Variants in CHN1 observed in about 807,000 individuals in gnomAD.
The protein encoded by CHN1 is N-chimaerin.
CHN1 carries 37 observed loss-of-function variants against 59.5 expected under a neutral mutation model. The observed-to-expected ratio is 0.62, with a 90% CI of 0.48 to 0.82. The LOEUF is 0.82. Among genes scored for constraint, CHN1 ranks in the 40% least tolerant of loss-of-function variants. CHN1 has a pLI of 0.00. For synonymous variants in CHN1, 206 were observed against 200.4 expected, an observed-to-expected ratio of 1.03 and a Z score of -0.24; for missense variants, 469 against 571.0, an observed-to-expected ratio of 0.82 and a Z score of 1.82.
At chr2:174,895,680 C>G (rs376844693) in intron 5 of CHN1, among the ~76,000 whole-genome samples, 64 of 152,238 alleles carry the variant, frequency 4.2e-4, no homozygotes, top group African/African-American at 1.5e-3. Context: ...TGCAAGACAA[C>G]AGAAGTAATT....
At position 174,879,183 on chromosome 2, in the gene CHN1, A is replaced by G. The variant is rs368765318; in HGVS notation, c.261-1055T>C. Among the ~76,000 whole-genome samples, 40 of 152,376 alleles carry G rather than the reference A, an allele frequency of 2.6e-4. No individual in the cohort carries two copies. The East Asian group carries it at 4.6e-3, about 18-fold the overall frequency. The stretch of plus-strand genomic sequence containing the variant: ...ATACTAAAATAAACGCTGTTTAAGT[A>G]AAGCGTTAAATGGGACTATAAACTT... On this transcript the variant is annotated intron_variant, in intron 5 of 12. Transcript: ENST00000409900.
intron 6 of CHN1, among the ~76,000 whole-genome samples, chr2:174,848,472 C>T (rs1686616582): frequency 6.6e-6 from 1 of 152,182 alleles, no homozygotes; most frequent in African/African-American, 2.4e-5. Flanking sequence ...GTCCTATCAT[C>T]TGTTTCTCAT....
rs1455583764 is a variant in CHN1, at chr2:174,963,173, G to A, written c.20-10971C>T. On this transcript the variant is annotated intron_variant, in intron 1 of 12. Transcript: ENST00000409900. ...TTCTATGGGTGAGGGTGTCAGTTAC[G>A]AGGCGGGTCCAGATATAGTTTGTGC... Among the ~76,000 whole-genome samples, 5 of 152,092 alleles carry A rather than the reference G, an allele frequency of 3.3e-5. No individual in the cohort carries two copies. The East Asian group carries it at 9.6e-4, about 29-fold the overall frequency.
At chr2:174,803,801 G>A (rs1025552392) in intron 11 of CHN1, among the ~76,000 whole-genome samples, 7 of 152,252 alleles carry the variant, frequency 4.6e-5, no homozygotes, top group Non-Finnish European at 8.8e-5. Flanking sequence ...CGATCCTCCT[G>A]CCTCAGCTTC....
At chr2:174,809,876 C>T (rs1685018660) in intron 10 of CHN1, among the ~76,000 whole-genome samples, 1 of 152,174 alleles carries the variant, frequency 6.6e-6, no homozygotes. Flanking sequence ...CTGTACCTGT[C>T]ACATAAATAT....
At chr2:174,835,516 A>G (rs1686044032) in intron 7 of CHN1, among the ~76,000 whole-genome samples, 1 of 150,044 alleles carries the variant, frequency 6.7e-6, no homozygotes, top group South Asian at 2.1e-4. Flanking sequence ...TGTGACCCAA[A>G]TTACACTTAT....
chr2:174,994,611 A>G (rs2105467029), intron 1 of CHN1, among the ~76,000 whole-genome samples: 1 of 152,336 alleles, frequency 6.6e-6, no homozygotes, highest in African/African-American at 2.4e-5. Context: ...AGTATAGGGC[A>G]CTCTGGATGC....
intron 7 of CHN1, chr2:174,846,361 A>T: frequency 6.5e-7 from 1 of 1,549,268 alleles, no homozygotes; most frequent in Non-Finnish European, 8.7e-7. Context: ...TGCTAGTGTC[A>T]GCAGCATCAA....
chr2:174,930,980 G>C (rs1416450730), intron 3 of CHN1, among the ~76,000 whole-genome samples: 1 of 152,074 alleles, frequency 6.6e-6, no homozygotes, highest in East Asian at 1.9e-4. Flanking sequence ...ACGTTAGCCA[G>C]GATGGTCTCG....
intron 5 of CHN1, among the ~76,000 whole-genome samples, chr2:174,884,572 T>C (rs1386371805): frequency 6.6e-6 from 1 of 152,194 alleles, no homozygotes; most frequent in Non-Finnish European, 1.5e-5. Context: ...TAAAGTTGAA[T>C]ATATACATAC....
At position 174,832,402 on chromosome 2, in the gene CHN1, G is replaced by C. The variant is rs145532872; in HGVS notation, c.628-7884C>G. Among the ~76,000 whole-genome samples, 1,171 of 151,868 alleles carry C rather than the reference G, an allele frequency of 7.7e-3. 13 individuals are homozygous for C. The highest frequency in any genetic ancestry group is 0.027 in the African/African-American group (1,118 of 41,458). On this transcript the variant is annotated intron_variant, in intron 7 of 12. Coordinates refer to ENST00000409900, the MANE Select transcript of CHN1 (RefSeq NM_001822.7). ...TCTTAAGATGGAAGCTTAGCTCTTT[G>C]ACTTAAGACCTTTTTTCTCCCTTTC... is the stretch of plus-strand genomic sequence containing the variant.
intron 1 of CHN1, among the ~76,000 whole-genome samples, chr2:174,989,696 G>T (rs1691473600): frequency 6.6e-6 from 1 of 151,912 alleles, no homozygotes; most frequent in Non-Finnish European, 1.5e-5. Context: ...AGGCTGAGGT[G>T]GGAGGATCGC....
chr2:174,818,531 G>A (rs1196100966), intron 8 of CHN1, among the ~76,000 whole-genome samples: 1 of 151,944 alleles, frequency 6.6e-6, no homozygotes, highest in Non-Finnish European at 1.5e-5. Flanking sequence ...TCAGGGAAGC[G>A]CTATACTACA....
intron 1 of CHN1, among the ~76,000 whole-genome samples, chr2:174,996,088 G>A (rs1033760415): frequency 6.6e-6 from 1 of 152,188 alleles, no homozygotes; most frequent in African/African-American, 2.4e-5. Flanking sequence ...GGCATCCACT[G>A]AGGCTCTTGG....
At chr2:174,846,391 C>T (rs1284119022) in intron 7 of CHN1, 17 of 1,546,264 alleles carry the variant, frequency 1.1e-5, no homozygotes, top group Non-Finnish European at 1.4e-5. Context: ...GGTAGCCATC[C>T]TCCTTTCATC....
chr2:174,806,814 A>C (rs1684899041), intron 11 of CHN1, among the ~76,000 whole-genome samples: 1 of 152,218 alleles, frequency 6.6e-6, no homozygotes, highest in African/African-American at 2.4e-5. Context: ...CATCTAAAGA[A>C]TGAAACAGAC....
chr2:175,002,292 G>C (rs1438831655), intron 1 of CHN1, among the ~76,000 whole-genome samples: 3 of 152,202 alleles, frequency 2.0e-5, no homozygotes, highest in African/African-American at 7.2e-5. Flanking sequence ...TCCCAAATGA[G>C]ACTGTAAAAT....
intron 7 of CHN1, among the ~76,000 whole-genome samples, chr2:174,826,381 A>AAG (rs1452687534): frequency 6.6e-6 from 1 of 152,198 alleles, no homozygotes; most frequent in African/African-American, 2.4e-5. Flanking sequence ...CTGATTCAGA[A>AAG]AGAGAGTTAT....
At chr2:174,881,015 C>T (rs1400725240) in intron 5 of CHN1, among the ~76,000 whole-genome samples, 1 of 148,042 alleles carries the variant, frequency 6.8e-6, no homozygotes, top group African/African-American at 2.5e-5. Context: ...CATTGCACTC[C>T]AGCCTGGGCA....
Sources: gnomAD v4.1 joint callset for allele counts (sites outside exome capture counted in the v4.1 genomes callset) on GRCh38, gnomAD v4.1.1 for gene constraint, MANE v1.5 for transcripts, NCBI Gene and HGNC (gene_info 2026-07-23, HGNC 2026-07-21) for gene names.